Variants in F8 observed in about 807,000 individuals in gnomAD.
F8 encodes antihemophilic factor.
Under a neutral mutation model 140.6 loss-of-function variants are expected in F8, and 12 were observed. The ratio of observed to expected loss-of-function variants is 0.09; its 90% CI spans 0.05 to 0.14. The LOEUF (loss-of-function observed/expected upper bound fraction) is 0.14, where lower values mean the gene tolerates loss of function less well. Among genes scored for constraint, F8 ranks in the 10% least tolerant of loss-of-function variants. The probability of loss-of-function intolerance (pLI) is 1.00; values close to 1 mark genes in which losing one functional copy is unlikely to be tolerated. For synonymous variants in F8, 585 were observed against 614.6 expected (o/e 0.95, Z 0.71); for missense variants, 1,354 against 1,720.7 (o/e 0.79, Z 3.77).
At chrX:154,946,312 T>G (rs1359317922) in intron 13 of F8, among the ~76,000 whole-genome samples, 1 of 111,986 alleles carries the variant, frequency 8.9e-6, no homozygotes, top group Non-Finnish European at 1.9e-5. Flanking sequence ...ATGACACTAC[T>G]TGACTTGAAA....
Position 154,929,877 on chromosome X carries a change from G to T in F8, c.3913C>A (p.Gln1305Lys). ...GTGCATGCATATTTCTCTACAATTT[G>T]CTTGGTTTGATTTCCCAAGCCTTCC... ...NLEGLGNQTK[Q>K]IVEKYACTTR... The change falls in exon 14 of 26, where the codon CAA (glutamine) becomes AAA (lysine). Residue 1305 changes from glutamine to lysine, a missense_variant. This residue lies in a region of F8 where 658 missense variants were observed against 666.5 expected (regional missense o/e 0.99). Coordinates refer to ENST00000360256, the MANE Select transcript of F8 (RefSeq NM_000132.4). 1 of 1,211,155 alleles carries T rather than the reference G, an allele frequency of 8.3e-7. No homozygotes were observed. Among genetic ancestry groups the T allele is most frequent in the Non-Finnish European group, 1.1e-6 (1 of 895,069 alleles).
chrX:154,840,147 A>G (rs1033409024), intron 25 of F8, among the ~76,000 whole-genome samples: 3 of 111,964 alleles, frequency 2.7e-5, no homozygotes, highest in Non-Finnish European at 3.8e-5. Flanking sequence ...TTTCCTAACA[A>G]TCTGTGGAGT....
chrX:155,001,868 C>T (rs1238028421), intron 1 of F8, among the ~76,000 whole-genome samples: 2 of 111,335 alleles, frequency 1.8e-5, no homozygotes, highest in Non-Finnish European at 3.8e-5. Context: ...GCTATGATCA[C>T]AAAACTGCAC....
At chrX:154,837,885 G>C (rs1272859197) in intron 25 of F8, 133 bp from the exon 26 acceptor site, 1 of 625,873 alleles carries the variant, frequency 1.6e-6, no homozygotes, top group Non-Finnish European at 2.6e-6. Flanking sequence ...AGATGACTCT[G>C]TCCTACGCAT....
chrX:154,874,212 G>A, intron 22 of F8, among the ~76,000 whole-genome samples: 1 of 112,687 alleles, frequency 8.9e-6, no homozygotes, highest in Non-Finnish European at 1.9e-5. Context: ...GATAAATGAT[G>A]CTCAGCATCA....
intron 25 of F8, among the ~76,000 whole-genome samples, chrX:154,847,701 A>AGGTTTT (rs1254969930): frequency 1.8e-5 from 2 of 111,598 alleles, no homozygotes; most frequent in Admixed American, 1.9e-4. Flanking sequence ...TTTTTTTTCA[A>AGGTTTT]GGTTTTTAGC....
At position 154,966,687 on chromosome X, in the gene F8, T is replaced by A; in HGVS notation, c.1010A>T (p.Asp337Val). The change falls in exon 8 of 26, where the codon GAT (aspartate) becomes GTT (valine). Residue 337 changes from aspartate to valine, a missense_variant and splice_region_variant. Physicochemically the swap from Asp to Val is radical, Grantham distance 152. Transcript: ENST00000360256. ...LFCHISSHQH[D>V]GMEAYVKVDS... is the part of the protein sequence containing the mutation. Reference sequence around the variant, plus strand: ...TACTTTGACATAAGCTTCCATGCCATCTGGAGTCAGACAAACCAAACAATG... The same window carrying A: ...TACTTTGACATAAGCTTCCATGCCAACTGGAGTCAGACAAACCAAACAATG... The A allele has an allele frequency of 8.3e-7, 1 of 1,211,173 alleles. No individual in the cohort carries two copies. The highest frequency in any genetic ancestry group is 1.1e-6 in the Non-Finnish European group (1 of 895,368).
Position 155,007,564 on chromosome X carries a change from G to T in F8, c.144-7964C>A, listed in dbSNP as rs938437206. 8.9e-5 allele frequency among the ~76,000 whole-genome samples: 10 copies of T among 112,256 alleles called. No homozygotes were observed. In the Admixed American group the frequency reaches 9.3e-4, roughly 10 times the overall value. On this transcript the variant is annotated intron_variant, in intron 1 of 25. Transcript: ENST00000360256. ...CATAGCAGGAAGTGAGCAGCAGGCA[G>T]GGAGCAAAGCTTCATCTGTATTTAC...
chrX:154,867,708 A>AG (rs1444545662), intron 22 of F8, among the ~76,000 whole-genome samples: 3 of 104,007 alleles, frequency 2.9e-5, no homozygotes, highest in Non-Finnish European at 5.9e-5. Flanking sequence ...AAAAAAAAAA[A>AG]AAAGAAAGAA....
chrX:154,940,549 T>G (rs185548153), intron 13 of F8, among the ~76,000 whole-genome samples: 47 of 112,350 alleles, frequency 4.2e-4, no homozygotes, highest in Middle Eastern at 4.6e-3. Flanking sequence ...TTGGTGTACC[T>G]GAAAGTGATG....
chrX:154,965,403 C>T (rs2073418161), intron 9 of F8, among the ~76,000 whole-genome samples: 1 of 111,604 alleles, frequency 9.0e-6, no homozygotes, highest in Non-Finnish European at 1.9e-5. Flanking sequence ...ATTTAAACCA[C>T]TGTCCATTGA....
intron 20 of F8, among the ~76,000 whole-genome samples, chrX:154,900,422 C>T (rs782697014): frequency 1.8e-5 from 2 of 110,373 alleles, no homozygotes; most frequent in Non-Finnish European, 3.8e-5. Context: ...TTAGTAGAGA[C>T]GGAGTTTCAC....
intron 25 of F8, among the ~76,000 whole-genome samples, chrX:154,844,701 T>C (rs1557271566): frequency 9.0e-6 from 1 of 111,682 alleles, no homozygotes; most frequent in Non-Finnish European, 1.9e-5. Context: ...GCTGAGACAA[T>C]GGTGTTTTCT....
At chrX:154,993,401 C>T (rs999183281) in intron 3 of F8, among the ~76,000 whole-genome samples, 4 of 111,667 alleles carry the variant, frequency 3.6e-5, no homozygotes, top group Non-Finnish European at 7.5e-5. Context: ...ATTACAGGCA[C>T]GTGCCACCAT....
chrX:154,892,590 G>T (rs781881832), intron 22 of F8, among the ~76,000 whole-genome samples: 80 of 112,267 alleles, frequency 7.1e-4, no homozygotes, highest in African/African-American at 2.6e-3. Context: ...CCTTAGAATT[G>T]CATTTTGAAA....
intron 20 of F8, 94 bp downstream of exon 20, chrX:154,901,277 A>G (rs1266448966): frequency 1.6e-6 from 1 of 628,106 alleles, no homozygotes; most frequent in East Asian, 3.3e-5. Flanking sequence ...TAATAGAAGC[A>G]TGGAGATGGA....
chrX:154,876,589 A>G (rs782390363), intron 22 of F8, among the ~76,000 whole-genome samples: 1 of 112,001 alleles, frequency 8.9e-6, no homozygotes, highest in East Asian at 2.8e-4. Flanking sequence ...TAACATATTC[A>G]AACCATATAA....
At chrX:154,849,848 C>G (rs1047491034) in intron 25 of F8, among the ~76,000 whole-genome samples, 7 of 110,484 alleles carry the variant, frequency 6.3e-5, no homozygotes, top group Non-Finnish European at 1.1e-4. Flanking sequence ...TACTTACTGG[C>G]TATCCTATAA....
chrX:154,981,611 C>T (rs1569559939), intron 6 of F8, among the ~76,000 whole-genome samples: 1 of 111,044 alleles, frequency 9.0e-6, no homozygotes, highest in African/African-American at 3.3e-5. Flanking sequence ...TTCAGCTACT[C>T]AGAAGCTCCT....
Sources: gnomAD v4.1 joint callset for allele counts (sites outside exome capture counted in the v4.1 genomes callset) on GRCh38, gnomAD v4.1.1 for gene constraint, gnomAD v4.1.1 regional missense constraint, MANE v1.5 for transcripts, NCBI Gene and HGNC (gene_info 2026-07-23, HGNC 2026-07-21) for gene names.